The following CCDC171 variants were observed in gnomAD, a reference collection of about 807,000 sequenced individuals.
CCDC171 encodes the protein coiled-coil domain-containing protein 171.
A neutral mutation model predicts 168.2 loss-of-function variants in CCDC171; 177 were observed. The ratio of observed to expected loss-of-function variants is 1.05; its 90% CI spans 0.93 to 1.19. The LOEUF (loss-of-function observed/expected upper bound fraction) is 1.19. Ranked by LOEUF, CCDC171 falls within the 50% of genes most tolerant of loss-of-function variation. The pLI, the probability that CCDC171 is intolerant of heterozygous loss-of-function variation, is 0.00. For missense variants in CCDC171, 1,991 were observed against 1,539.0 expected, an observed-to-expected ratio of 1.29 and a Z score of -4.91; for synonymous variants, 687 against 540.8, an observed-to-expected ratio of 1.27 and a Z score of -3.75.
intron 24 of CCDC171, among the ~76,000 whole-genome samples, chr9:15,907,355 A>C (rs558864205): frequency 2.0e-5 from 3 of 152,230 alleles, no homozygotes; most frequent in East Asian, 3.8e-4. Context: ...ATAATGCTGC[A>C]TATCTACAAC....
At chr9:15,738,558 G>A (rs73644942) in intron 16 of CCDC171, among the ~76,000 whole-genome samples, 3,700 of 152,170 alleles carry the variant, frequency 0.024, 155 homozygotes, top group African/African-American at 0.086. Context: ...ATATGAAAGC[G>A]ATGTTCCTTA....
chr9:15,742,646 G>C (rs932209692), intron 16 of CCDC171, among the ~76,000 whole-genome samples: 2 of 152,082 alleles, frequency 1.3e-5, no homozygotes, highest in Non-Finnish European at 2.9e-5. Flanking sequence ...TGGAGTTCTG[G>C]GACATAGTCC....
chr9:15,720,715 G>A (rs951045210), intron 11 of CCDC171, among the ~76,000 whole-genome samples: 106 of 152,230 alleles, frequency 7.0e-4, no homozygotes, highest in African/African-American at 2.5e-3. Context: ...TGTACTTTAA[G>A]TTCTAGGGTA....
intron 23 of CCDC171, among the ~76,000 whole-genome samples, chr9:15,856,526 G>A (rs1171650101): frequency 1.3e-5 from 2 of 151,854 alleles, no homozygotes; most frequent in Non-Finnish European, 2.9e-5. Flanking sequence ...CTTTTAAAAG[G>A]CTGATTATTT....
intron 24 of CCDC171, among the ~76,000 whole-genome samples, chr9:15,896,891 A>G (rs1350268413): frequency 1.3e-5 from 2 of 152,104 alleles, no homozygotes; most frequent in Non-Finnish European, 2.9e-5. Context: ...AAAACTTCTT[A>G]TAAATAACGA....
At chr9:16,010,905 A>G (rs565192028) in intron 3 of CCDC171, among the ~76,000 whole-genome samples, 2 of 152,260 alleles carry the variant, frequency 1.3e-5, no homozygotes, top group African/African-American at 4.8e-5. Context: ...GTCCCCAGGG[A>G]TACCCACATC....
At chr9:15,636,262 C>A (rs451878) in intron 7 of CCDC171, among the ~76,000 whole-genome samples, 81,742 of 151,852 alleles carry the variant, frequency 0.54, 22,259 homozygotes, top group East Asian at 0.76. Context: ...CAAGGATAAA[C>A]TTCCTCATAC....
At chr9:15,815,329 C>G (rs2059526398) in intron 21 of CCDC171, among the ~76,000 whole-genome samples, 1 of 48,878 alleles carries the variant, frequency 2.0e-5, no homozygotes, top group African/African-American at 7.7e-5. Flanking sequence ...TCTCCATTCT[C>G]AAAAGTTAAT....
chr9:16,006,949 T>C (rs866808710), intron 3 of CCDC171, among the ~76,000 whole-genome samples: 6 of 152,220 alleles, frequency 3.9e-5, no homozygotes, highest in African/African-American at 7.2e-5. Context: ...ATATACCCAG[T>C]AATGGGATGG....
At chr9:16,038,534 A>C (rs1218758572), upstream of CCDC171, among the ~76,000 whole-genome samples, 1 of 152,170 alleles carries the variant, frequency 6.6e-6, no homozygotes, top group African/African-American at 2.4e-5. Flanking sequence ...AACATCTAAA[A>C]CATCTGTATG....
chr9:15,776,027 A>C (rs1291972709), intron 18 of CCDC171, among the ~76,000 whole-genome samples: 1 of 152,212 alleles, frequency 6.6e-6, no homozygotes, highest in Non-Finnish European at 1.5e-5. Context: ...CTGTTCTTTC[A>C]TTCAACAGTG....
At chr9:15,563,135 A>G (rs1006015241) in intron 1 of CCDC171, among the ~76,000 whole-genome samples, 1 of 148,846 alleles carries the variant, frequency 6.7e-6, no homozygotes, top group East Asian at 1.9e-4. Flanking sequence ...TTTTCAAGTT[A>G]CTTCTTTTTT....
At chr9:15,689,145 T>C (rs2050612391) in intron 10 of CCDC171, among the ~76,000 whole-genome samples, 1 of 152,204 alleles carries the variant, frequency 6.6e-6, no homozygotes, top group Non-Finnish European at 1.5e-5. Context: ...TACTTAGGAA[T>C]AATTTGACAA....
At chr9:15,570,084 C>G (rs1016817828) in intron 2 of CCDC171, among the ~76,000 whole-genome samples, 1 of 152,014 alleles carries the variant, frequency 6.6e-6, no homozygotes, top group Non-Finnish European at 1.5e-5. Context: ...ATTCTCCTGC[C>G]TTTGCCTCCC....
At chr9:15,872,235 T>A (rs184034819) in intron 23 of CCDC171, among the ~76,000 whole-genome samples, 171 of 152,212 alleles carry the variant, frequency 1.1e-3, no homozygotes, top group African/African-American at 3.7e-3. Context: ...AAGTTTTTTT[T>A]ATTCAATATA....
chr9:15,891,753 T>G (rs1374498426), intron 24 of CCDC171, among the ~76,000 whole-genome samples: 5 of 152,166 alleles, frequency 3.3e-5, no homozygotes, highest in Admixed American at 2.0e-4. Flanking sequence ...TGTTCTTTAT[T>G]TAACCCTGTG....
chr9:16,077,996 G>A, the CCDC171 span, among the ~76,000 whole-genome samples: 1 of 150,524 alleles, frequency 6.6e-6, no homozygotes, highest in Non-Finnish European at 1.5e-5. Flanking sequence ...AAATAATAAT[G>A]TATTATATAC....
intron 22 of CCDC171, 99 bp downstream of exon 22, chr9:15,846,946 A>G (rs2060924519): frequency 1.0e-6 from 1 of 977,434 alleles, no homozygotes. Flanking sequence ...CAGTGTTAGA[A>G]AACAAAAGTA....
upstream of CCDC171, among the ~76,000 whole-genome samples, chr9:16,039,988 C>T (rs533176011): frequency 2.4e-4 from 37 of 152,314 alleles, no homozygotes; most frequent in African/African-American, 7.7e-4. Context: ...TCATCGCCTA[C>T]TCATTACATG....
Sources: allele counts gnomAD v4.1 joint callset (sites outside exome capture counted in the v4.1 genomes callset), GRCh38; gene constraint gnomAD v4.1.1; transcripts MANE v1.5; gene names NCBI Gene and HGNC (gene_info 2026-07-23, HGNC 2026-07-21).